CTNNA2: variants seen among roughly 807,000 people sequenced by gnomAD.
CTNNA2 encodes the protein catenin alpha 2.
CTNNA2 carries 42 observed loss-of-function variants against 101.0 expected under a neutral mutation model. The observed-to-expected ratio is 0.42, with a 90% CI of 0.32 to 0.54. The LOEUF is 0.54. Ranked by LOEUF, CTNNA2 falls within the 20% of genes least tolerant of loss-of-function variation. CTNNA2 has a pLI of 0.14. For synonymous variants in CTNNA2, 450 were observed against 456.4 expected, an observed-to-expected ratio of 0.99 and a Z score of 0.18; for missense variants, 871 against 1,223.1, an observed-to-expected ratio of 0.71 and a Z score of 4.29.
At chr2:80,401,221 A>G (rs1678515920) in intron 8 of CTNNA2, among the ~76,000 whole-genome samples, 1 of 152,248 alleles carries the variant, frequency 6.6e-6, no homozygotes, top group South Asian at 2.1e-4. Context: ...AGTGCCCAAA[A>G]TAAAGTAAGC....
At chr2:79,282,414 C>T (rs562145681) in intron 2 of CTNNA2, among the ~76,000 whole-genome samples, 44 of 152,212 alleles carry the variant, frequency 2.9e-4, no homozygotes, top group Middle Eastern at 3.4e-3. Flanking sequence ...CCGCTCCCCC[C>T]ACCCTACAAC....
At chr2:79,269,137 T>C (rs990049398) in intron 2 of CTNNA2, among the ~76,000 whole-genome samples, 1 of 152,042 alleles carries the variant, frequency 6.6e-6, no homozygotes, top group Non-Finnish European at 1.5e-5. Context: ...TGAGCTCTTA[T>C]ACAGCATGAA....
chr2:79,350,156 T>C (rs1174973937), intron 3 of CTNNA2, among the ~76,000 whole-genome samples: 3 of 151,136 alleles, frequency 2.0e-5, no homozygotes, highest in African/African-American at 7.3e-5. Flanking sequence ...TTCAGATTCA[T>C]AGGGTACATG....
chr2:80,453,723 A>C (rs1431982413), intron 9 of CTNNA2, among the ~76,000 whole-genome samples: 3 of 152,196 alleles, frequency 2.0e-5, no homozygotes, highest in Non-Finnish European at 4.4e-5. Context: ...ATGTGAGGAC[A>C]GACAGGGTTA....
At chr2:79,565,686 G>A (rs886782023) in intron 1 of CTNNA2, among the ~76,000 whole-genome samples, 11 of 152,130 alleles carry the variant, frequency 7.2e-5, no homozygotes, top group African/African-American at 2.7e-4. Context: ...TTGTGCAATT[G>A]TTGAAGTCAT....
At chr2:80,384,220 T>G (rs1189715649) in intron 7 of CTNNA2, among the ~76,000 whole-genome samples, 1 of 152,108 alleles carries the variant, frequency 6.6e-6, no homozygotes, top group Non-Finnish European at 1.5e-5. Flanking sequence ...TCAGGTACTA[T>G]GCTTAGTGTC....
At chr2:79,954,317 G>A (rs3905417) in intron 7 of CTNNA2, among the ~76,000 whole-genome samples, 32,251 of 151,898 alleles carry the variant, frequency 0.21, 3,756 homozygotes, top group East Asian at 0.52. Context: ...TATCAAATAC[G>A]TAGCAATTTA....
rs565768927 is a variant in CTNNA2 at position 80,519,322 on chromosome 2, C to T, written c.1291-25660C>T. Among the ~76,000 whole-genome samples, 10 of 152,202 alleles carry T rather than the reference C, an allele frequency of 6.6e-5. No individual in the cohort carries two copies. The South Asian group carries it at 1.9e-3, about 28-fold the overall frequency. ...CTGATGAAACAATAAAACACAGAAA[C>T]GCATTGCCAAATCCAGACCGAAAAA... On this transcript the variant is annotated intron_variant, in intron 9 of 18. Coordinates refer to ENST00000402739, the MANE Select transcript of CTNNA2 (RefSeq NM_001282597.3).
intron 1 of CTNNA2, among the ~76,000 whole-genome samples, chr2:79,189,502 G>A (rs1485863325): frequency 5.3e-5 from 8 of 152,090 alleles, no homozygotes; most frequent in Non-Finnish European, 1.2e-4. Context: ...ACAAGATAAG[G>A]AAACAGAAGT....
intron 1 of CTNNA2, among the ~76,000 whole-genome samples, chr2:79,564,416 A>G (rs1421042714): frequency 1.3e-5 from 2 of 152,104 alleles, no homozygotes; most frequent in African/African-American, 4.8e-5. Flanking sequence ...AAGGTGAACT[A>G]ATAATAGTCA....
At chr2:80,259,304 A>T (rs748015652) in intron 7 of CTNNA2, among the ~76,000 whole-genome samples, 18 of 152,128 alleles carry the variant, frequency 1.2e-4, no homozygotes, top group Non-Finnish European at 1.6e-4. Flanking sequence ...TTTTGAGAGG[A>T]TGCAAGCAGA....
rs892557231 is a variant in CTNNA2 at position 80,455,632 on chromosome 2, T to C, written c.1290+36031T>C. Among the ~76,000 whole-genome samples, 4 of 152,188 alleles carry C rather than the reference T, an allele frequency of 2.6e-5. No homozygotes were observed. In the South Asian group the frequency reaches 8.3e-4, roughly 32 times the overall value. ...GAGAGGAGTGTACTCTCACAAATCCTCTCCTCATTAAAGTGAAGAAAATAA... is the reference window on the plus strand; with the variant it reads ...GAGAGGAGTGTACTCTCACAAATCCCCTCCTCATTAAAGTGAAGAAAATAA... On this transcript the variant is annotated intron_variant, in intron 9 of 18. Transcript: ENST00000402739.
intron 7 of CTNNA2, among the ~76,000 whole-genome samples, chr2:80,317,717 A>T (rs1678265183): frequency 6.6e-6 from 1 of 152,138 alleles, no homozygotes; most frequent in Non-Finnish European, 1.5e-5. Context: ...ACACATTCAG[A>T]AATCTCGTTT....
At chr2:80,319,295 G>C (rs1006438775) in intron 7 of CTNNA2, among the ~76,000 whole-genome samples, 1 of 152,058 alleles carries the variant, frequency 6.6e-6, no homozygotes, top group African/African-American at 2.4e-5. Context: ...AAGGGCTGAT[G>C]GATACCAACC....
At chr2:79,342,434 C>T (rs138791237) in intron 3 of CTNNA2, among the ~76,000 whole-genome samples, 1 of 152,294 alleles carries the variant, frequency 6.6e-6, no homozygotes, top group East Asian at 1.9e-4. Context: ...ATGAATTACA[C>T]ATTCTTCATA....
chr2:79,310,831 G>A (rs978249968), intron 2 of CTNNA2, among the ~76,000 whole-genome samples: 1 of 152,116 alleles, frequency 6.6e-6, no homozygotes, highest in Non-Finnish European at 1.5e-5. Context: ...TGTTACTAAT[G>A]TCTTTTTCTG....
chr2:79,904,716 A>C (rs1222729778), intron 6 of CTNNA2, among the ~76,000 whole-genome samples: 2 of 152,190 alleles, frequency 1.3e-5, no homozygotes, highest in Admixed American at 1.3e-4. Flanking sequence ...TTTGTAATAC[A>C]TCCAAATACT....
At chr2:80,033,391 GGTGGACTCT>G (rs1455648068) in intron 7 of CTNNA2, among the ~76,000 whole-genome samples, 2 of 151,838 alleles carry the variant, frequency 1.3e-5, no homozygotes, top group African/African-American at 2.4e-5. Context: ...TGGGCAACAT[GGTGGACTCT>G]GTCTCCACAA....
chr2:79,418,073 T>C (rs1678502752), intron 4 of CTNNA2, among the ~76,000 whole-genome samples: 1 of 151,998 alleles, frequency 6.6e-6, no homozygotes, highest in Admixed American at 6.6e-5. Flanking sequence ...GATGAAATCA[T>C]AGGGAGTTGA....
Sources: gnomAD v4.1 joint callset for allele counts (sites outside exome capture counted in the v4.1 genomes callset) on GRCh38, gnomAD v4.1.1 for gene constraint, MANE v1.5 for transcripts, NCBI Gene and HGNC (gene_info 2026-07-23, HGNC 2026-07-21) for gene names.